Variants in CRPPA observed in about 807,000 individuals in gnomAD.
CRPPA encodes the protein D-ribitol-5-phosphate cytidylyltransferase.
CRPPA carries 43 observed loss-of-function variants against 52.0 expected under a neutral mutation model. The observed-to-expected ratio is 0.83, with a 90% confidence interval of 0.65 to 1.07. The LOEUF (loss-of-function observed/expected upper bound fraction) is 1.07, where lower values mean the gene tolerates loss of function less well. CRPPA is among the 50% of genes least tolerant of loss of function. The pLI, the probability that CRPPA is intolerant of heterozygous loss-of-function variation, is 0.00. For synonymous variants in CRPPA, 250 were observed against 203.5 expected, an observed-to-expected ratio of 1.23 and a Z score of -1.94; for missense variants, 629 against 551.7, an observed-to-expected ratio of 1.14 and a Z score of -1.40.
chr7:16,220,849 C>T (rs890288025), intron 8 of CRPPA, among the ~76,000 whole-genome samples: 9 of 152,142 alleles, frequency 5.9e-5, no homozygotes, highest in African/African-American at 1.4e-4. Flanking sequence ...GAATCAAAAT[C>T]GTGAAAACGG....
At chr7:16,094,907 C>T (rs1399564969) in intron 9 of CRPPA, among the ~76,000 whole-genome samples, 3 of 152,014 alleles carry the variant, frequency 2.0e-5, no homozygotes, top group Admixed American at 6.6e-5. Context: ...CAAGAGGTGT[C>T]TGAAGAGAAC....
At chr7:16,332,736 A>C (rs77137117) in intron 3 of CRPPA, among the ~76,000 whole-genome samples, 3,119 of 152,268 alleles carry the variant, frequency 0.02, 102 homozygotes, top group African/African-American at 0.07. Context: ...GAAAACAAAA[A>C]TAGCAAGGAC....
At chr7:16,163,489 T>C (rs1780966110) in intron 9 of CRPPA, among the ~76,000 whole-genome samples, 1 of 152,204 alleles carries the variant, frequency 6.6e-6, no homozygotes, top group African/African-American at 2.4e-5. Flanking sequence ...TCTGTGTCTT[T>C]TAATTCAGGC....
At chr7:16,334,671 C>G (rs914046105) in intron 3 of CRPPA, among the ~76,000 whole-genome samples, 1 of 152,124 alleles carries the variant, frequency 6.6e-6, no homozygotes, top group African/African-American at 2.4e-5. Context: ...ACAGCCTCAA[C>G]TGACGACAAA....
At chr7:16,406,711 C>T (rs1215812402) in intron 1 of CRPPA, among the ~76,000 whole-genome samples, 1 of 152,116 alleles carries the variant, frequency 6.6e-6, no homozygotes, top group Non-Finnish European at 1.5e-5. Context: ...ATACTTTTCC[C>T]TTCAATGAGA....
At chr7:16,275,332 T>A (rs561980722) in intron 6 of CRPPA, among the ~76,000 whole-genome samples, 10 of 152,252 alleles carry the variant, frequency 6.6e-5, no homozygotes, top group African/African-American at 2.4e-4. Flanking sequence ...TAGGGATAAC[T>A]GGGGGTCTGG....
intron 9 of CRPPA, among the ~76,000 whole-genome samples, chr7:16,095,473 A>C (rs1390842539): frequency 6.6e-6 from 1 of 152,196 alleles, no homozygotes; most frequent in Non-Finnish European, 1.5e-5. Flanking sequence ...TAGCAGTTAG[A>C]ATTATTACCT....
chr7:16,236,562 T>C (rs1782954853), intron 8 of CRPPA, among the ~76,000 whole-genome samples: 1 of 152,164 alleles, frequency 6.6e-6, no homozygotes, highest in Non-Finnish European at 1.5e-5. Context: ...TAGCTTTCTA[T>C]ACTTTCCATA....
intron 6 of CRPPA, among the ~76,000 whole-genome samples, chr7:16,270,928 T>A (rs1784076093): frequency 6.6e-6 from 1 of 152,036 alleles, no homozygotes; most frequent in African/African-American, 2.4e-5. Flanking sequence ...GACTAATATG[T>A]CATACGGTGA....
chr7:16,116,815 G>C (rs778123735), intron 9 of CRPPA, among the ~76,000 whole-genome samples: 1 of 152,124 alleles, frequency 6.6e-6, no homozygotes, highest in Non-Finnish European at 1.5e-5. Context: ...CAGAAAAAGC[G>C]TATCAGAGGA....
chr7:16,147,810 C>T (rs540234687), intron 9 of CRPPA, among the ~76,000 whole-genome samples: 3 of 152,208 alleles, frequency 2.0e-5, no homozygotes, highest in Non-Finnish European at 2.9e-5. Context: ...CTTGCCTAAC[C>T]TCCTATAAAA....
intron 3 of CRPPA, among the ~76,000 whole-genome samples, chr7:16,343,083 G>A (rs1159071336): frequency 6.6e-6 from 1 of 151,686 alleles, no homozygotes; most frequent in Non-Finnish European, 1.5e-5. Context: ...AGCCAAATAT[G>A]TGAAAATCAA....
chr7:16,158,147 G>C (rs982013108), intron 9 of CRPPA, among the ~76,000 whole-genome samples: 1 of 151,530 alleles, frequency 6.6e-6, no homozygotes. Context: ...GCCTCCCAAA[G>C]TGCTGGGATT....
chr7:16,110,616 A>C (rs974525738), intron 9 of CRPPA, among the ~76,000 whole-genome samples: 4 of 152,108 alleles, frequency 2.6e-5, no homozygotes, highest in Admixed American at 1.3e-4. Flanking sequence ...AACAAAACAG[A>C]GTAGAAAGCT....
rs550671435 is a variant in CRPPA, at chr7:16,095,493, A to G, written c.1252-3694T>C. Among the ~76,000 whole-genome samples, 10 of 152,346 alleles carry G rather than the reference A, an allele frequency of 6.6e-5. No homozygotes were observed. In the South Asian group the frequency reaches 1.9e-3, roughly 28 times the overall value. ...GTTAGAATTATTACCTTTATGAAGT[A>G]AACTAATTTCAGCTATGATAGAGTA... On this transcript the variant is annotated intron_variant, in intron 9 of 9. Transcript: ENST00000407010.
In CRPPA at chr7:16,421,103, T is replaced by C. The variant is rs1788324318; in HGVS notation, c.220A>G (p.Arg74Gly). The change falls in exon 1 of 10, where the codon AGG (arginine) becomes GGG (glycine). Residue 74 changes from arginine to glycine, a missense_variant. Arg to Gly is a moderately radical substitution (Grantham distance 125). Coordinates refer to ENST00000407010, the MANE Select transcript of CRPPA (RefSeq NM_001101426.4). ...TPKQFCPILE[R>G]PLISYTLQAL... ...TGTAGGGTGTAGCTGATGAGCGGCC[T>C]CTCCAGGATGGGGCAGAATTGCTTC... 2.3e-6 allele frequency: 3 copies of C among 1,299,694 alleles called. No individual in the cohort carries two copies. The highest frequency in any genetic ancestry group is 3.0e-6 in the Non-Finnish European group (3 of 1,016,894). 80.5% of individuals were successfully genotyped at this position (1,299,694 alleles called of 1,614,324 possible).
rs187356054 is a variant in CRPPA, at chr7:16,294,384, G to A, written c.835+7037C>T. On this transcript the variant is annotated intron_variant, in intron 5 of 9. Coordinates refer to ENST00000407010, the MANE Select transcript of CRPPA (RefSeq NM_001101426.4). ...TATATGCTTAAATTACTATTTTGCT[G>A]ACAACAAATTAAGGAAATGGTAAAA... Among the ~76,000 whole-genome samples, 27 of 151,982 alleles carry A rather than the reference G, an allele frequency of 1.8e-4. No individual in the cohort carries two copies. In the East Asian group the frequency reaches 5.2e-3, roughly 29 times the overall value.
chr7:16,123,397 C>A (rs935410999), intron 9 of CRPPA, among the ~76,000 whole-genome samples: 3 of 151,856 alleles, frequency 2.0e-5, no homozygotes, highest in African/African-American at 7.3e-5. Flanking sequence ...CAGATAAGTC[C>A]AAAGGCAAAC....
chr7:16,221,757 C>T (rs1418911421), intron 8 of CRPPA, among the ~76,000 whole-genome samples: 1 of 151,856 alleles, frequency 6.6e-6, no homozygotes, highest in Non-Finnish European at 1.5e-5. Flanking sequence ...TACCATCTCA[C>T]ACCAGTTAGA....
Sources: gnomAD v4.1 joint callset for allele counts (sites outside exome capture counted in the v4.1 genomes callset) on GRCh38, gnomAD v4.1.1 for gene constraint, MANE v1.5 for transcripts, NCBI Gene and HGNC (gene_info 2026-07-23, HGNC 2026-07-21) for gene names.